Variants in ZBTB17 observed in about 807,000 individuals in gnomAD.
ZBTB17 encodes zinc finger and BTB domain containing 17.
A neutral mutation model predicts 85.1 loss-of-function variants in ZBTB17; 24 were observed. The observed-to-expected ratio is 0.28, with a 90% confidence interval of 0.20 to 0.40. The LOEUF (loss-of-function observed/expected upper bound fraction) is 0.40. Ranked by LOEUF, ZBTB17 falls within the 10% of genes least tolerant of loss-of-function variation. The pLI, the probability that ZBTB17 is intolerant of heterozygous loss-of-function variation, is 1.00. For synonymous variants in ZBTB17, 464 were observed against 460.2 expected (o/e 1.01, Z -0.11); for missense variants, 743 against 1,105.1 (o/e 0.67, Z 4.65).
At chr1:15,956,163 C>T (rs1378778091) in intron 2 of ZBTB17, among the ~76,000 whole-genome samples, 2 of 152,228 alleles carry the variant, frequency 1.3e-5, no homozygotes, top group Admixed American at 6.5e-5. Context: ...TTCCCCAAGG[C>T]ACACACACCC....
intron 2 of ZBTB17, among the ~76,000 whole-genome samples, chr1:15,954,318 G>C (rs1171570039): frequency 6.6e-6 from 1 of 152,158 alleles, no homozygotes; most frequent in African/African-American, 2.4e-5. Flanking sequence ...CTACCTGCAG[G>C]GTTTCCAAAC....
In ZBTB17 at chr1:15,966,702, C is replaced by A. The variant is rs1459605472; in HGVS notation, c.-3+6337G>T. Among the ~76,000 whole-genome samples, 1 of 152,148 alleles carries A rather than the reference C, an allele frequency of 6.6e-6. No homozygotes were observed. The highest frequency in any genetic ancestry group is 6.5e-5 in the Admixed American group (1 of 15,270). On this transcript the variant is annotated intron_variant, in intron 2 of 15. Transcript: ENST00000375743. This position sits in a 1 kb window ranked among gnomAD's most constrained non-coding sequence, Gnocchi z 4.1. The stretch of plus-strand genomic sequence containing the variant: ...CAAACTATTGATGTCCATAAGGATT[C>A]TCTGTGCTGGCATTCCACACACACG...
chr1:15,945,315 A>T (rs2071552556), intron 6 of ZBTB17, 113 bp from the exon 7 acceptor site: 2 of 1,466,158 alleles, frequency 1.4e-6, no homozygotes, highest in Non-Finnish European at 1.8e-6. Flanking sequence ...TGGCCAAGGA[A>T]AGCCCCCGGG....
At position 15,945,762 on chromosome 1, in the gene ZBTB17, A is replaced by G; in HGVS notation, c.614T>C (p.Met205Thr). The change falls in exon 6 of 16, where the codon ATG becomes ACG. Residue 205 changes from methionine to threonine, a missense_variant. Transcript: ENST00000375743. ...VELKPDPTSG[M>T]AAAEAEAALS... Reference sequence around the variant, plus strand: ...AGCGGCCTCAGCTTCTGCAGCAGCCATGCCACTCGTGGGGTCTGGCTTGAG... The same window carrying G: ...AGCGGCCTCAGCTTCTGCAGCAGCCGTGCCACTCGTGGGGTCTGGCTTGAG... The G allele has an allele frequency of 1.2e-6, 2 of 1,606,570 alleles. No homozygotes were observed. Among genetic ancestry groups the G allele is most frequent in the Non-Finnish European group, 1.7e-6 (2 of 1,179,808 alleles).
At chr1:15,944,137 TC>T (rs1303840925) in intron 9 of ZBTB17, 162 bp downstream of exon 9, 1 of 1,168,262 alleles carries the variant, frequency 8.6e-7, no homozygotes, top group East Asian at 2.6e-5. Context: ...AACCGGGAGC[TC>T]CCCCGCGGAA....
In ZBTB17 at chr1:15,976,011, G is replaced by A. The variant is rs1346091206; in HGVS notation, c.-118C>T. ...CCATGTCCCGGACCCCACCGCAGAG[G>A]GAGGTGCATCACGGCCGCGAGAAGG... On this transcript the variant is annotated 5_prime_UTR_variant, in exon 1 of 16. Coordinates refer to ENST00000375743, the MANE Select transcript of ZBTB17 (RefSeq NM_003443.3). 2.9e-6 allele frequency: 2 copies of A among 698,694 alleles called. No individual in the cohort carries two copies. Among genetic ancestry groups the A allele is most frequent in the Non-Finnish European group, 2.6e-6 (1 of 383,040 alleles). 43.3% of individuals were successfully genotyped at this position (698,694 alleles called of 1,614,324 possible).
chr1:15,965,690 GATAA>G (rs1476897809), intron 2 of ZBTB17, among the ~76,000 whole-genome samples: 26 of 152,232 alleles, frequency 1.7e-4, no homozygotes, highest in African/African-American at 6.3e-4. Context: ...TAATAGAAAG[GATAA>G]ATAAATTCTC....
chr1:15,975,868 A>G (rs1220244347), intron 1 of ZBTB17, 115 bp downstream of exon 1: 4 of 282,704 alleles, frequency 1.4e-5, no homozygotes, highest in Non-Finnish European at 2.8e-5. Context: ...GTCCCATTCC[A>G]CTTCCCTCCC....
chr1:15,954,355 G>C (rs747854879), intron 2 of ZBTB17, among the ~76,000 whole-genome samples: 1 of 152,194 alleles, frequency 6.6e-6, no homozygotes, highest in Non-Finnish European at 1.5e-5. Flanking sequence ...CATTAAGCCA[G>C]GAAGCAACTG....
intron 2 of ZBTB17, among the ~76,000 whole-genome samples, chr1:15,960,627 C>T (rs777157486): frequency 5.9e-5 from 9 of 152,180 alleles, no homozygotes; most frequent in South Asian, 2.1e-4. Context: ...TGATGGTAAC[C>T]GCCACCTTCT....
rs190185968 is a variant in ZBTB17 at position 15,953,165 on chromosome 1, T to A, written c.-2-4668A>T. Among the ~76,000 whole-genome samples, 686 of 151,954 alleles carry A rather than the reference T, an allele frequency of 4.5e-3. 5 individuals carry two copies. Among genetic ancestry groups the A allele is most frequent in the Non-Finnish European group, 7.7e-3 (526 of 67,992 alleles). On this transcript the variant is annotated intron_variant, in intron 2 of 15. Coordinates refer to ENST00000375743, the MANE Select transcript of ZBTB17 (RefSeq NM_003443.3). This position sits in a 1 kb window ranked among gnomAD's most constrained non-coding sequence, Gnocchi z 5.1. ...TACATTTACATGAAAACATTCCAATTATTTAAAAAAATGTATTTTTTTTTT... is the reference window on the plus strand; with the variant it reads ...TACATTTACATGAAAACATTCCAATAATTTAAAAAAATGTATTTTTTTTTT...
intron 2 of ZBTB17, among the ~76,000 whole-genome samples, chr1:15,954,702 T>G (rs1279390907): frequency 6.6e-6 from 1 of 151,714 alleles, no homozygotes; most frequent in Non-Finnish European, 1.5e-5. Context: ...AATTTTAAAA[T>G]TACCTGAGTG....
At chr1:15,946,618 G>A (rs2071622287) in intron 4 of ZBTB17, among the ~76,000 whole-genome samples, 1 of 152,342 alleles carries the variant, frequency 6.6e-6, no homozygotes, top group East Asian at 1.9e-4. Flanking sequence ...AAGGCACCTG[G>A]CCCATAGTGG....
At chr1:15,969,581 G>A (rs2072567060) in intron 2 of ZBTB17, 1 of 400,478 alleles carries the variant, frequency 2.5e-6, no homozygotes, top group Non-Finnish European at 5.0e-6. Context: ...GAAGTGTGAG[G>A]CCGCTGCCTG....
Position 15,944,678 on chromosome 1 carries a change from G to T in ZBTB17, c.1070+19C>A, listed in dbSNP as rs201944669. 3.7e-6 allele frequency: 6 copies of T among 1,604,722 alleles called. No homozygotes were observed. In the African/African-American group the frequency reaches 6.7e-5, roughly 18 times the overall value. ...GGGCCTGGCAGGGGCCGGGGTAGGA[G>T]GCCGGCTTGGGGCAGTACCTGTGCG... On this transcript the variant is annotated intron_variant, in intron 8 of 15. Coordinates refer to ENST00000375743, the MANE Select transcript of ZBTB17 (RefSeq NM_003443.3).
intron 2 of ZBTB17, among the ~76,000 whole-genome samples, chr1:15,948,971 T>C (rs576389762): frequency 6.6e-6 from 1 of 152,294 alleles, no homozygotes; most frequent in African/African-American, 2.4e-5. Flanking sequence ...TCTCATTCTC[T>C]CATGGACAGG....
chr1:15,955,502 G>A (rs1417601409), intron 2 of ZBTB17, among the ~76,000 whole-genome samples: 1 of 152,040 alleles, frequency 6.6e-6, no homozygotes, highest in Non-Finnish European at 1.5e-5. Context: ...AAGAATCACT[G>A]CTATCTCTAC....
In ZBTB17 at chr1:15,952,442, C is replaced by G. The variant is rs191955921; in HGVS notation, c.-2-3945G>C. On this transcript the variant is annotated intron_variant, in intron 2 of 15. Coordinates refer to ENST00000375743, the MANE Select transcript of ZBTB17 (RefSeq NM_003443.3). This position sits in a 1 kb window ranked among gnomAD's most constrained non-coding sequence, Gnocchi z 4.3. Reference sequence around the variant, plus strand: ...CGGAACAGACGCGGCAGAACCGACACGGCGGAACGGACGCGGATGATGCAG... The same window carrying G: ...CGGAACAGACGCGGCAGAACCGACAGGGCGGAACGGACGCGGATGATGCAG... 6.6e-6 allele frequency among the ~76,000 whole-genome samples: 1 copy of G among 152,236 alleles called. No homozygotes were observed. The highest frequency in any genetic ancestry group is 2.4e-5 in the African/African-American group (1 of 41,464).
intron 3 of ZBTB17, chr1:15,947,437 A>G: frequency 2.7e-6 from 1 of 364,046 alleles, no homozygotes; most frequent in East Asian, 4.3e-5. Context: ...AGAAGGTGCA[A>G]CTGTCCGCCC....
Sources: gnomAD v4.1 joint callset for allele counts (sites outside exome capture counted in the v4.1 genomes callset) on GRCh38, gnomAD v4.1.1 for gene constraint, Gnocchi (gnomAD v3.1) non-coding constraint, MANE v1.5 for transcripts, NCBI Gene and HGNC (gene_info 2026-07-23, HGNC 2026-07-21) for gene names.